WDR41: variants seen among roughly 807,000 people sequenced by gnomAD.
WDR41 encodes the protein WD repeat-containing protein 41.
A neutral mutation model predicts 69.3 loss-of-function variants in WDR41; 63 were observed. The ratio of observed to expected loss-of-function variants is 0.91; its 90% CI spans 0.74 to 1.12. The LOEUF (loss-of-function observed/expected upper bound fraction) is 1.12. WDR41 is among the 50% of genes most tolerant of loss of function. The pLI, the probability that WDR41 is intolerant of heterozygous loss-of-function variation, is 0.00. For synonymous variants in WDR41, 185 were observed against 192.1 expected (o/e 0.96, Z 0.31); for missense variants, 543 against 534.5 (o/e 1.02, Z -0.16).
intron 1 of WDR41, among the ~76,000 whole-genome samples, chr5:77,498,348 T>A (rs995391278): frequency 6.6e-6 from 1 of 152,130 alleles, no homozygotes; most frequent in East Asian, 1.9e-4. Context: ...TTTACAGAAG[T>A]GTAAAGGCAG....
intron 1 of WDR41, among the ~76,000 whole-genome samples, chr5:77,543,113 T>C (rs1393776088): frequency 6.6e-6 from 1 of 152,136 alleles, no homozygotes; most frequent in African/African-American, 2.4e-5. Context: ...GGGAGAGTAC[T>C]ACATCAAGGG....
chr5:77,535,844 A>G (rs1333625370), intron 1 of WDR41, among the ~76,000 whole-genome samples: 1 of 152,216 alleles, frequency 6.6e-6, no homozygotes, highest in East Asian at 1.9e-4. Flanking sequence ...AATGAAGCCT[A>G]CTTGCTAAGA....
chr5:77,435,047 C>A (rs999993624), intron 12 of WDR41, among the ~76,000 whole-genome samples: 1 of 152,152 alleles, frequency 6.6e-6, no homozygotes, highest in Non-Finnish European at 1.5e-5. Context: ...TTCACAGGAA[C>A]CCAGCGCTCC....
At chr5:77,590,412 A>T (rs1406049760) in intron 1 of WDR41, among the ~76,000 whole-genome samples, 1 of 152,188 alleles carries the variant, frequency 6.6e-6, no homozygotes, top group Non-Finnish European at 1.5e-5. Context: ...AGAAGGAGGG[A>T]TACAGCTTGC....
chr5:77,570,665 A>G (rs1241369857), intron 1 of WDR41, among the ~76,000 whole-genome samples: 1 of 151,682 alleles, frequency 6.6e-6, no homozygotes, highest in Non-Finnish European at 1.5e-5. Flanking sequence ...CAAATCAGAG[A>G]ACTTAGTGTG....
intron 2 of WDR41, among the ~76,000 whole-genome samples, chr5:77,482,401 G>A (rs1162005606): frequency 2.0e-5 from 3 of 151,916 alleles, no homozygotes; most frequent in Admixed American, 6.6e-5. Flanking sequence ...AGTACACTTG[G>A]TTGATTTATC....
intron 2 of WDR41, among the ~76,000 whole-genome samples, chr5:77,485,748 A>G (rs1801489750): frequency 6.6e-6 from 1 of 152,206 alleles, no homozygotes; most frequent in Admixed American, 6.5e-5. Context: ...AAAAAATACT[A>G]AAGAAGAAAA....
upstream of WDR41, among the ~76,000 whole-genome samples, chr5:77,495,068 AG>A (rs1190726285): frequency 6.6e-6 from 1 of 152,172 alleles, no homozygotes; most frequent in Non-Finnish European, 1.5e-5. Context: ...GCAGCACAAA[AG>A]AAATTATAAA....
chr5:77,600,977 A>T (rs1385197551), intron 1 of WDR41, among the ~76,000 whole-genome samples: 1 of 146,008 alleles, frequency 6.8e-6, no homozygotes, highest in Non-Finnish European at 1.5e-5. Context: ...GGCCATAAAC[A>T]GTGTGTATCT....
intron 1 of WDR41, among the ~76,000 whole-genome samples, chr5:77,526,311 CTT>C (rs984065422): frequency 1.4e-5 from 2 of 145,762 alleles, no homozygotes; most frequent in Admixed American, 6.9e-5. Context: ...AAAATAAGGA[CTT>C]TTTTTTTTTA....
At chr5:77,475,097 C>T (rs1175533890) in intron 2 of WDR41, among the ~76,000 whole-genome samples, 7 of 152,320 alleles carry the variant, frequency 4.6e-5, no homozygotes, top group Admixed American at 2.0e-4. Flanking sequence ...CCTAATACTG[C>T]GCTTTTCCGA....
intron 1 of WDR41, among the ~76,000 whole-genome samples, chr5:77,614,729 C>A (rs1744644033): frequency 1.3e-5 from 2 of 150,318 alleles, no homozygotes; most frequent in African/African-American, 2.5e-5. Flanking sequence ...AGCACACCAG[C>A]ATGGCACATG....
At chr5:77,498,816 C>CAAAAAAAAAAAAAAA (rs35946022) in intron 1 of WDR41, among the ~76,000 whole-genome samples, 1 of 87,438 alleles carries the variant, frequency 1.1e-5, no homozygotes, top group Non-Finnish European at 2.5e-5. Context: ...AAGACCCCAT[C>CAAAAAAAAAAAAAAA]AAAAAAAAAA....
At chr5:77,600,201 C>G (rs923713267) in intron 1 of WDR41, among the ~76,000 whole-genome samples, 2 of 152,248 alleles carry the variant, frequency 1.3e-5, no homozygotes, top group African/African-American at 2.4e-5. Flanking sequence ...CCAATATAAT[C>G]AAATCCCTCT....
intron 1 of WDR41, among the ~76,000 whole-genome samples, chr5:77,577,627 T>C (rs1243334159): frequency 1.3e-5 from 2 of 152,126 alleles, no homozygotes; most frequent in East Asian, 1.9e-4. Flanking sequence ...CTGCTAGATG[T>C]TTACCCTAGA....
At chr5:77,584,041 C>A (rs34779843) in intron 1 of WDR41, among the ~76,000 whole-genome samples, 28,405 of 152,092 alleles carry the variant, frequency 0.19, 2,913 homozygotes, top group Admixed American at 0.24. Context: ...ATCCAACACC[C>A]TTTTATGATA....
chr5:77,493,995 C>G (rs1801897700), upstream of WDR41, among the ~76,000 whole-genome samples: 1 of 147,060 alleles, frequency 6.8e-6, no homozygotes, highest in Admixed American at 6.9e-5. Flanking sequence ...ATTGGGCACA[C>G]AATGTATAAA....
At chr5:77,539,714 C>T (rs973589413) in intron 1 of WDR41, among the ~76,000 whole-genome samples, 1 of 152,130 alleles carries the variant, frequency 6.6e-6, no homozygotes, top group African/African-American at 2.4e-5. Flanking sequence ...CAAATGGTTG[C>T]TTTAAAAGGC....
At chr5:77,459,875 T>C (rs1250865400) in intron 4 of WDR41, among the ~76,000 whole-genome samples, 1 of 152,252 alleles carries the variant, frequency 6.6e-6, no homozygotes, top group African/African-American at 2.4e-5. Context: ...TTAAAGTAGT[T>C]ATGTCCCACA....
Sources: allele counts gnomAD v4.1 joint callset (sites outside exome capture counted in the v4.1 genomes callset), GRCh38; gene constraint gnomAD v4.1.1; transcripts MANE v1.5; gene names NCBI Gene and HGNC (gene_info 2026-07-23, HGNC 2026-07-21).